The following EYA1 variants were observed in gnomAD, a reference collection of about 807,000 sequenced individuals.
The protein encoded by EYA1 is protein phosphatase EYA1.
EYA1 carries 16 observed loss-of-function variants against 82.0 expected under a neutral mutation model. The ratio of observed to expected loss-of-function variants is 0.20; its 90% CI spans 0.13 to 0.30. EYA1 has a LOEUF of 0.30. Among genes scored for constraint, EYA1 ranks in the 10% least tolerant of loss-of-function variants. The probability of loss-of-function intolerance (pLI) is 1.00; values close to 1 mark genes in which losing one functional copy is unlikely to be tolerated. For synonymous variants in EYA1, 261 were observed against 264.4 expected, an observed-to-expected ratio of 0.99 and a Z score of 0.12; for missense variants, 633 against 730.7, an observed-to-expected ratio of 0.87 and a Z score of 1.54.
intron 2 of EYA1, among the ~76,000 whole-genome samples, chr8:71,375,378 A>C (rs1434517152): frequency 1.3e-5 from 2 of 152,144 alleles, no homozygotes; most frequent in Non-Finnish European, 2.9e-5. Flanking sequence ...ATCAACAAAA[A>C]ATCAACAAAA....
chr8:71,298,387 TA>T (rs1819818069), intron 9 of EYA1, among the ~76,000 whole-genome samples: 1 of 152,072 alleles, frequency 6.6e-6, no homozygotes, highest in South Asian at 2.1e-4. Context: ...AAACGTTAAG[TA>T]AAGACCAATT....
intron 2 of EYA1, among the ~76,000 whole-genome samples, chr8:71,412,527 C>T (rs7818686): frequency 0.97 from 147,279 of 152,260 alleles, 71,465 homozygotes; most frequent in African/African-American, 0.99. Flanking sequence ...TACTGAGATG[C>T]TTATGGATAA....
chr8:71,223,898 TC>T (rs1244132609), intron 12 of EYA1, among the ~76,000 whole-genome samples: 2 of 152,172 alleles, frequency 1.3e-5, no homozygotes, highest in African/African-American at 4.8e-5. Flanking sequence ...AGTTGTACTT[TC>T]CCCCCAAGCC....
intron 9 of EYA1, among the ~76,000 whole-genome samples, chr8:71,288,507 A>C (rs17783729): frequency 0.039 from 5,948 of 152,280 alleles, 169 homozygotes; most frequent in Middle Eastern, 0.068. Flanking sequence ...ATATTCAGTA[A>C]GGTGAAGGTC....
chr8:71,337,995 C>T (rs2129050558), intron 3 of EYA1, among the ~76,000 whole-genome samples: 1 of 152,356 alleles, frequency 6.6e-6, no homozygotes, highest in East Asian at 1.9e-4. Context: ...GCTTCTAAAT[C>T]ATTCCACACT....
intron 17 of EYA1, among the ~76,000 whole-genome samples, chr8:71,203,642 T>C (rs1301747990): frequency 6.6e-6 from 1 of 152,142 alleles, no homozygotes; most frequent in Non-Finnish European, 1.5e-5. Flanking sequence ...ACTTGGAATA[T>C]CTAACTAAGG....
At chr8:71,427,937 A>C (rs907207072) in intron 2 of EYA1, among the ~76,000 whole-genome samples, 4 of 151,516 alleles carry the variant, frequency 2.6e-5, no homozygotes, top group African/African-American at 9.7e-5. Flanking sequence ...CAGTGATGGC[A>C]CCATTACACT....
At position 71,198,081 on chromosome 8, in the gene EYA1, G is replaced by A. The variant is rs913582462; in HGVS notation, c.*1259C>T. 6 of 152,220 alleles carry A rather than the reference G, an allele frequency of 3.9e-5. No individual in the cohort carries two copies. Among genetic ancestry groups the A allele is most frequent in the Non-Finnish European group, 7.3e-5 (5 of 68,036 alleles). 9.4% of individuals were successfully genotyped at this position (152,220 alleles called of 1,614,324 possible). On this transcript the variant is annotated 3_prime_UTR_variant, in exon 18 of 18. Transcript: ENST00000340726. ...GCTGATTTCCGGATTAGCATCGTGT[G>A]TCTTCCTTTATCGAAAGAAAATGCA... is the stretch of plus-strand genomic sequence containing the variant.
chr8:71,283,407 G>A (rs1195805954), intron 9 of EYA1, among the ~76,000 whole-genome samples: 1 of 152,138 alleles, frequency 6.6e-6, no homozygotes, highest in Admixed American at 6.5e-5. Flanking sequence ...CATTTTATAT[G>A]TACTTATCAT....
chr8:71,209,878 A>G (rs556022169), intron 17 of EYA1, among the ~76,000 whole-genome samples: 1 of 152,330 alleles, frequency 6.6e-6, no homozygotes, highest in South Asian at 2.1e-4. Context: ...AAAAAATCTG[A>G]AGACAGTCTC....
rs944306582 is a variant in EYA1, at chr8:71,405,299, C to T, written c.34-48788G>A. Reference sequence around the variant, plus strand: ...GAGATGCTATTTAGAACAATGATTGCTCAAGACCCTTCACTCATGCCCCTA... The same window carrying T: ...GAGATGCTATTTAGAACAATGATTGTTCAAGACCCTTCACTCATGCCCCTA... On this transcript the variant is annotated intron_variant, in intron 2 of 18. Transcript: ENST00000643681. 3.3e-5 allele frequency among the ~76,000 whole-genome samples: 5 copies of T among 152,232 alleles called. 1 individual carries two copies. The highest frequency in any genetic ancestry group is 3.4e-3 in the Middle Eastern group (1 of 294).
chr8:71,342,744 G>C (rs934924892), intron 3 of EYA1, among the ~76,000 whole-genome samples: 2 of 152,026 alleles, frequency 1.3e-5, no homozygotes, highest in African/African-American at 2.4e-5. Flanking sequence ...TTGAATTTGC[G>C]GACCTTTGGT....
rs370186317 is a variant in EYA1 at position 71,396,096 on chromosome 8, T to A, written c.34-39585A>T. 3.7e-4 allele frequency among the ~76,000 whole-genome samples: 57 copies of A among 152,336 alleles called. No homozygotes were observed. The South Asian group carries it at 8.1e-3, about 22-fold the overall frequency. On this transcript the variant is annotated intron_variant, in intron 2 of 18. Transcript: ENST00000643681. ...ATTTGCGTAGAGGTGCTTATAGTAT[T>A]CTCTGATGGTAGTTTGTATTTCTGT...
rs1819494023 is a variant in EYA1 at position 71,295,451 on chromosome 8, G to C, written c.826+3596C>G. Among the ~76,000 whole-genome samples the C allele has an allele frequency of 2.6e-5, 4 of 152,154 alleles. No individual in the cohort carries two copies. The South Asian group carries it at 8.3e-4, about 32-fold the overall frequency. On this transcript the variant is annotated intron_variant, in intron 9 of 17. Transcript: ENST00000340726. ...GACACCTCACCAAAGAAGACATACA[G>C]ATGGCAAATAAGCATATGAAAAGGT...
chr8:71,254,718 G>A (rs1814186368), intron 11 of EYA1, among the ~76,000 whole-genome samples: 2 of 152,098 alleles, frequency 1.3e-5, no homozygotes, highest in African/African-American at 2.4e-5. Flanking sequence ...AGAAGTTCTA[G>A]CCAGAAGTAT....
In EYA1 at chr8:71,197,514, C is replaced by A. The variant is rs895434791; in HGVS notation, c.*1826G>T. On this transcript the variant is annotated 3_prime_UTR_variant, in exon 18 of 18. Coordinates refer to ENST00000340726, the MANE Select transcript of EYA1 (RefSeq NM_000503.6). ...ATTCTGTACACAACGGTGGACACAG[C>A]ACACCTTTATACAGTAAGGCCAAGA... 1.3e-5 allele frequency: 2 copies of A among 152,504 alleles called. No homozygotes were observed. The highest frequency in any genetic ancestry group is 4.8e-5 in the African/African-American group (2 of 41,438). 9.4% of individuals were successfully genotyped at this position (152,504 alleles called of 1,614,324 possible).
At chr8:71,456,018 A>T (rs2129184575) in intron 2 of EYA1, among the ~76,000 whole-genome samples, 1 of 152,358 alleles carries the variant, frequency 6.6e-6, no homozygotes, top group East Asian at 1.9e-4. Flanking sequence ...CCATTATCTC[A>T]GCCCAAAATC....
intron 2 of EYA1, among the ~76,000 whole-genome samples, chr8:71,523,179 C>G (rs13265085): frequency 8.4e-6 from 1 of 119,754 alleles, no homozygotes; most frequent in Non-Finnish European, 1.8e-5. Flanking sequence ...TTTTCTTTTT[C>G]TTTTTTTTTT....
At chr8:71,232,296 G>T (rs1334138861) in intron 12 of EYA1, among the ~76,000 whole-genome samples, 1 of 152,212 alleles carries the variant, frequency 6.6e-6, no homozygotes, top group African/African-American at 2.4e-5. Flanking sequence ...TGCACTGTCA[G>T]TCCAAGCGGC....
Sources: gnomAD v4.1 joint callset for allele counts (sites outside exome capture counted in the v4.1 genomes callset) on GRCh38, gnomAD v4.1.1 for gene constraint, MANE v1.5 for transcripts, NCBI Gene and HGNC (gene_info 2026-07-23, HGNC 2026-07-21) for gene names.